Variants in LGSN observed in about 807,000 individuals in gnomAD.
LGSN encodes lengsin.
Under a neutral mutation model 19.5 loss-of-function variants are expected in LGSN, and 21 were observed. That is an observed-to-expected ratio of 1.07 (90% CI 0.76 to 1.55). The LOEUF (loss-of-function observed/expected upper bound fraction) is 1.55. Ranked by LOEUF, LGSN falls within the 40% of genes most tolerant of loss-of-function variation. LGSN has a pLI of 0.00. For synonymous variants in LGSN, 257 were observed against 215.6 expected (o/e 1.19, Z -1.68); for missense variants, 673 against 608.5 (o/e 1.11, Z -1.12).
At chr6:63,402,253 T>C in the LGSN span, among the ~76,000 whole-genome samples, 3 of 152,202 alleles carry the variant, frequency 2.0e-5, no homozygotes, top group African/African-American at 7.2e-5. Flanking sequence ...GTGTCTTTTC[T>C]CCAGTGGTGT....
chr6:63,420,158 G>C, the LGSN span, among the ~76,000 whole-genome samples: 1,810 of 149,784 alleles, frequency 0.012, 29 homozygotes, highest in African/African-American at 0.042. Context: ...AGCCGAGATC[G>C]CACCACTGCA....
chr6:63,428,206 C>T, the LGSN span, among the ~76,000 whole-genome samples: 2 of 152,100 alleles, frequency 1.3e-5, no homozygotes, highest in Non-Finnish European at 1.5e-5. Flanking sequence ...CCCAACCTAC[C>T]TTCTTCCCTA....
the LGSN span, among the ~76,000 whole-genome samples, chr6:63,483,972 A>C: frequency 6.6e-6 from 1 of 152,076 alleles, no homozygotes. Context: ...GCAATCAACT[A>C]GGTTTCCAAG....
At chr6:63,535,008 C>T in the LGSN span, among the ~76,000 whole-genome samples, 5 of 151,982 alleles carry the variant, frequency 3.3e-5, no homozygotes, top group East Asian at 9.7e-4. Context: ...TGCAGTGAGC[C>T]AAGATCGCAT....
chr6:63,514,999 G>A, the LGSN span, among the ~76,000 whole-genome samples: 66 of 151,716 alleles, frequency 4.4e-4, no homozygotes, highest in African/African-American at 1.5e-3. Flanking sequence ...CCACTGTGCC[G>A]AGCCTTGCTT....
At chr6:63,551,992 A>G in the LGSN span, among the ~76,000 whole-genome samples, 352 of 152,300 alleles carry the variant, frequency 2.3e-3, 2 homozygotes, top group African/African-American at 8.0e-3. Flanking sequence ...GAGTAGTGCC[A>G]CAATAAACAT....
chr6:63,560,125 G>C, the LGSN span, among the ~76,000 whole-genome samples: 2 of 151,964 alleles, frequency 1.3e-5, no homozygotes, highest in Non-Finnish European at 2.9e-5. Flanking sequence ...TGAATTACTT[G>C]AAAAGTGAAA....
the LGSN span, among the ~76,000 whole-genome samples, chr6:63,519,490 G>A: frequency 4.6e-5 from 7 of 152,268 alleles, no homozygotes; most frequent in Middle Eastern, 3.4e-3. Flanking sequence ...CCAGGTGAGG[G>A]AAATACTAAT....
the LGSN span, among the ~76,000 whole-genome samples, chr6:63,453,790 A>G: frequency 6.6e-6 from 1 of 152,036 alleles, no homozygotes; most frequent in Non-Finnish European, 1.5e-5. Context: ...AGTAGCTGGA[A>G]CTACAGGCGC....
chr6:63,437,157 AG>A, the LGSN span, among the ~76,000 whole-genome samples: 2 of 91,664 alleles, frequency 2.2e-5, no homozygotes. Flanking sequence ...AAGAGAGAGA[AG>A]GGAGGGAGGG....
chr6:63,502,725 C>T, the LGSN span, among the ~76,000 whole-genome samples: 1 of 152,174 alleles, frequency 6.6e-6, no homozygotes, highest in Non-Finnish European at 1.5e-5. Flanking sequence ...AATTTGGATC[C>T]TATTAAATCT....
the LGSN span, among the ~76,000 whole-genome samples, chr6:63,387,918 T>G: frequency 6.6e-6 from 1 of 151,906 alleles, no homozygotes; most frequent in Non-Finnish European, 1.5e-5. Context: ...CAGGCTGGAG[T>G]GCAGTGGCAC....
At chr6:63,552,113 G>A in the LGSN span, among the ~76,000 whole-genome samples, 2 of 152,232 alleles carry the variant, frequency 1.3e-5, no homozygotes, top group South Asian at 4.1e-4. Flanking sequence ...CTGAGGAATC[G>A]CCACACTGAC....
chr6:63,570,326 A>G, the LGSN span, among the ~76,000 whole-genome samples: 1 of 152,206 alleles, frequency 6.6e-6, no homozygotes, highest in African/African-American at 2.4e-5. Context: ...GCAAGACTCC[A>G]TCTCAAATAA....
the LGSN span, chr6:63,396,959 G>A: frequency 2.6e-5 from 4 of 152,468 alleles, no homozygotes; most frequent in Non-Finnish European, 4.4e-5. Flanking sequence ...AGACCCTCAA[G>A]GAGCACCTCC....
At chr6:63,453,755 A>G in the LGSN span, among the ~76,000 whole-genome samples, 6 of 151,908 alleles carry the variant, frequency 3.9e-5, no homozygotes, top group Admixed American at 2.0e-4. Context: ...CCGGGTTCAC[A>G]CCATTCTCCT....
chr6:63,336,447 G>A, the LGSN span, among the ~76,000 whole-genome samples: 5 of 150,688 alleles, frequency 3.3e-5, no homozygotes, highest in South Asian at 1.0e-3. Context: ...GGTATTACTA[G>A]TTTCACACAT....
At chr6:63,294,217 C>T (rs1280947430) in intron 2 of LGSN, among the ~76,000 whole-genome samples, 1 of 151,992 alleles carries the variant, frequency 6.6e-6, no homozygotes, top group Non-Finnish European at 1.5e-5. Context: ...GCCCTGTAAA[C>T]CCAGCTACTC....
the LGSN span, among the ~76,000 whole-genome samples, chr6:63,363,383 G>A: frequency 2.9e-4 from 44 of 151,016 alleles, no homozygotes; most frequent in East Asian, 1.8e-3. Context: ...TCAGACGATC[G>A]ATAATAACAA....
Sources: allele counts gnomAD v4.1 joint callset (sites outside exome capture counted in the v4.1 genomes callset), GRCh38; gene constraint gnomAD v4.1.1; transcripts MANE v1.5; gene names NCBI Gene and HGNC (gene_info 2026-07-23, HGNC 2026-07-21).